Variants in TCF7L2 observed in about 807,000 individuals in gnomAD.
TCF7L2 encodes transcription factor 7 like 2.
TCF7L2 carries 23 observed loss-of-function variants against 77.9 expected under a neutral mutation model. The ratio of observed to expected loss-of-function variants is 0.30; its 90% CI spans 0.21 to 0.42. The LOEUF (loss-of-function observed/expected upper bound fraction) is 0.42, where lower values mean the gene tolerates loss of function less well. Among genes scored for constraint, TCF7L2 ranks in the 10% least tolerant of loss-of-function variants. The pLI, the probability that TCF7L2 is intolerant of heterozygous loss-of-function variation, is 1.00. For missense variants in TCF7L2, 654 were observed against 793.1 expected, an observed-to-expected ratio of 0.82 and a Z score of 2.11; for synonymous variants, 413 against 340.2, an observed-to-expected ratio of 1.21 and a Z score of -2.36.
At chr10:113,037,703 C>T (rs1227318531) in intron 4 of TCF7L2, among the ~76,000 whole-genome samples, 1 of 152,166 alleles carries the variant, frequency 6.6e-6, no homozygotes, top group Non-Finnish European at 1.5e-5. Context: ...CCCGAGTTTC[C>T]TAATTCTACA....
At position 113,056,496 on chromosome 10, in the gene TCF7L2, G is replaced by A. The variant is rs576481137; in HGVS notation, c.552+16370G>A. ...CAAAAGGAAGAATTCCATATTTCAT[G>A]TAACTGAAACGTTAAAAGCCCAAAT... On this transcript the variant is annotated intron_variant, in intron 5 of 13. Coordinates refer to ENST00000627217, the MANE Select transcript of TCF7L2 (RefSeq NM_001146274.2). Among the ~76,000 whole-genome samples, 7 of 152,098 alleles carry A rather than the reference G, an allele frequency of 4.6e-5. No individual in the cohort carries two copies. In the East Asian group the frequency reaches 5.8e-4, roughly 13 times the overall value.
intron 3 of TCF7L2, among the ~76,000 whole-genome samples, chr10:112,954,504 A>C (rs1006501722): frequency 1.2e-4 from 19 of 152,268 alleles, no homozygotes; most frequent in African/African-American, 4.6e-4. Flanking sequence ...AGATTTCTGC[A>C]TAATATTAAT....
In TCF7L2 at chr10:113,031,624, A is replaced by G. The variant is rs145001182; in HGVS notation, c.451-8401A>G. On this transcript the variant is annotated intron_variant, in intron 4 of 13. Coordinates refer to ENST00000627217, the MANE Select transcript of TCF7L2 (RefSeq NM_001146274.2). The stretch of plus-strand genomic sequence containing the variant: ...TGCTTTAGCCTCCCGAGTAGCTGGC[A>G]TAACAGGCGCCTGCCACCACACCCA... 6.3e-3 allele frequency among the ~76,000 whole-genome samples: 953 copies of G among 152,174 alleles called. 13 individuals carry two copies. The highest frequency in any genetic ancestry group is 0.021 in the African/African-American group (870 of 41,514).
chr10:113,156,726 C>G (rs2071986020), intron 11 of TCF7L2, among the ~76,000 whole-genome samples: 1 of 152,356 alleles, frequency 6.6e-6, no homozygotes, highest in South Asian at 2.1e-4. Context: ...CCCTAAAGCC[C>G]TCACTAAAAG....
At chr10:113,119,670 G>GT (rs35269627) in intron 5 of TCF7L2, among the ~76,000 whole-genome samples, 40,024 of 142,356 alleles carry the variant, frequency 0.28, 6,009 homozygotes, top group East Asian at 0.68. Flanking sequence ...CCCTTAAGGT[G>GT]TTTTTTTTTT....
At chr10:113,108,533 A>T (rs966583372) in intron 5 of TCF7L2, among the ~76,000 whole-genome samples, 1 of 151,956 alleles carries the variant, frequency 6.6e-6, no homozygotes, top group Non-Finnish European at 1.5e-5. Flanking sequence ...GACTCTAGGG[A>T]CCTCCAGGCA....
In TCF7L2 at chr10:113,109,623, G is replaced by T. The variant is rs149048391; in HGVS notation, c.553-31561G>T. Among the ~76,000 whole-genome samples the T allele has an allele frequency of 1.8e-4, 27 of 152,224 alleles. No individual in the cohort carries two copies. The South Asian group carries it at 5.4e-3, about 30-fold the overall frequency. On this transcript the variant is annotated intron_variant, in intron 5 of 13. Coordinates refer to ENST00000627217, the MANE Select transcript of TCF7L2 (RefSeq NM_001146274.2). ...CTAGGCTGGTCTCGAACTCCTGACC[G>T]CAGGTCAACCACCTGCCCCAGCCTC... is the stretch of plus-strand genomic sequence containing the variant.
chr10:113,153,371 A>G (rs2071162374), intron 11 of TCF7L2, among the ~76,000 whole-genome samples: 1 of 151,908 alleles, frequency 6.6e-6, no homozygotes, highest in Non-Finnish European at 1.5e-5. Context: ...TTCACCATCC[A>G]CTCTTAGGGG....
chr10:113,028,554 AC>A (rs1316097206), intron 4 of TCF7L2, among the ~76,000 whole-genome samples: 2 of 152,202 alleles, frequency 1.3e-5, no homozygotes, highest in Non-Finnish European at 2.9e-5. Flanking sequence ...GGGAAAAAAA[AC>A]AAAAGGAAAA....
chr10:113,006,387 C>G (rs1185919847), intron 4 of TCF7L2, among the ~76,000 whole-genome samples: 1 of 152,186 alleles, frequency 6.6e-6, no homozygotes, highest in African/African-American at 2.4e-5. Flanking sequence ...CTGGCTCTGC[C>G]TCAATCCCTC....
chr10:113,032,045 G>A (rs1224902767), intron 4 of TCF7L2, among the ~76,000 whole-genome samples: 2 of 152,226 alleles, frequency 1.3e-5, no homozygotes, highest in Admixed American at 6.5e-5. Flanking sequence ...TGACATGCCA[G>A]GTCAGTGGCA....
intron 4 of TCF7L2, among the ~76,000 whole-genome samples, chr10:113,022,277 G>A (rs1056346375): frequency 6.6e-6 from 1 of 152,218 alleles, no homozygotes; most frequent in South Asian, 2.1e-4. Flanking sequence ...ATTGTGCTCT[G>A]TGTGTCCGCT....
chr10:113,079,341 G>C (rs2059074356), intron 5 of TCF7L2, among the ~76,000 whole-genome samples: 1 of 152,170 alleles, frequency 6.6e-6, no homozygotes. Flanking sequence ...CTGCGTTGAT[G>C]TGGCCACACG....
chr10:113,161,814 C>T (rs1050153232), intron 13 of TCF7L2, among the ~76,000 whole-genome samples: 1 of 152,150 alleles, frequency 6.6e-6, no homozygotes, highest in Non-Finnish European at 1.5e-5. Flanking sequence ...CGTGTTGACC[C>T]CAGCACACAT....
At chr10:113,157,022 G>A (rs547365087) in intron 11 of TCF7L2, among the ~76,000 whole-genome samples, 10 of 152,380 alleles carry the variant, frequency 6.6e-5, no homozygotes, top group African/African-American at 1.9e-4. Flanking sequence ...CCATTCATGG[G>A]AGGAGTGGTA....
In TCF7L2 at chr10:112,982,744, C is replaced by T. The variant is rs1415442947; in HGVS notation, c.450+18120C>T. On this transcript the variant is annotated intron_variant, in intron 4 of 13. Transcript: ENST00000627217. ...GATTCAAACAATTCTCCTGCCTCAG[C>T]CTCCCGAGTAGCTGGGACTACAGGC... 3.3e-5 allele frequency among the ~76,000 whole-genome samples: 5 copies of T among 152,198 alleles called. 1 individual carries two copies. Among genetic ancestry groups the T allele is most frequent in the Admixed American group, 3.3e-4 (5 of 15,282 alleles).
chr10:112,968,072 A>G (rs555111523), intron 4 of TCF7L2, among the ~76,000 whole-genome samples: 19 of 152,358 alleles, frequency 1.2e-4, no homozygotes, highest in African/African-American at 4.6e-4. Context: ...GAAGTTTTCC[A>G]TATGTGAACG....
intron 4 of TCF7L2, among the ~76,000 whole-genome samples, chr10:113,008,566 G>A (rs1450829068): frequency 6.6e-6 from 1 of 152,162 alleles, no homozygotes; most frequent in Non-Finnish European, 1.5e-5. Flanking sequence ...TTATTTATTT[G>A]ATGCATTCAA....
At chr10:113,060,939 G>T (rs1240234914) in intron 5 of TCF7L2, among the ~76,000 whole-genome samples, 1 of 152,078 alleles carries the variant, frequency 6.6e-6, no homozygotes, top group African/African-American at 2.4e-5. Context: ...TCACATCTAG[G>T]CAAAATCTTG....
Sources: allele counts gnomAD v4.1 joint callset (sites outside exome capture counted in the v4.1 genomes callset), GRCh38; gene constraint gnomAD v4.1.1; transcripts MANE v1.5; gene names NCBI Gene and HGNC (gene_info 2026-07-23, HGNC 2026-07-21).